Variants in FIP1L1 observed in about 807,000 individuals in gnomAD.
The protein encoded by FIP1L1 is pre-mRNA 3'-end-processing factor FIP1.
Under a neutral mutation model 84.6 loss-of-function variants are expected in FIP1L1, and 21 were observed. The observed-to-expected ratio is 0.25, with a 90% CI of 0.18 to 0.36. The LOEUF (loss-of-function observed/expected upper bound fraction) is 0.36. Among genes scored for constraint, FIP1L1 ranks in the 10% least tolerant of loss-of-function variants. The probability of loss-of-function intolerance (pLI) is 1.00; values close to 1 mark genes in which losing one functional copy is unlikely to be tolerated. For missense variants in FIP1L1, 526 were observed against 751.1 expected (o/e 0.70, Z 3.50); for synonymous variants, 263 against 242.3 (o/e 1.09, Z -0.80).
rs1775663595 is a variant in FIP1L1, at chr4:53,449,778, G to C, written c.1286-3142G>C. Among the ~76,000 whole-genome samples the C allele has an allele frequency of 2.0e-5, 3 of 152,094 alleles. No homozygotes were observed. The South Asian group carries it at 6.2e-4, about 31-fold the overall frequency. On this transcript the variant is annotated intron_variant, in intron 15 of 17. Transcript: ENST00000337488. ...AATTACTGATTTAATGTCTTTAATA[G>C]TTATTAGACTCTTCAAGATTTCTTT... is the stretch of plus-strand genomic sequence containing the variant.
At position 53,456,237 on chromosome 4, in the gene FIP1L1, T is replaced by C. The variant is rs115672319; in HGVS notation, c.1500-2416T>C. On this transcript the variant is annotated intron_variant, in intron 16 of 17. Transcript: ENST00000337488. Reference sequence around the variant, plus strand: ...CCAAGCAGGACTCATAAATTTTCTTTGCATAAATAACACATTGTTTATAGA... The same window carrying C: ...CCAAGCAGGACTCATAAATTTTCTTCGCATAAATAACACATTGTTTATAGA... Among the ~76,000 whole-genome samples the C allele has an allele frequency of 8.8e-3, 1,338 of 152,306 alleles. 21 individuals carry two copies. The highest frequency in any genetic ancestry group is 0.03 in the African/African-American group (1,261 of 41,576).
chr4:53,398,244 T>C (rs1488017497), intron 9 of FIP1L1, among the ~76,000 whole-genome samples: 1 of 152,202 alleles, frequency 6.6e-6, no homozygotes, highest in African/African-American at 2.4e-5. Flanking sequence ...AGTCCATTTC[T>C]TTCTGTTCCC....
intron 10 of FIP1L1, among the ~76,000 whole-genome samples, chr4:53,407,836 G>C (rs902135935): frequency 1.9e-4 from 29 of 151,458 alleles, no homozygotes; most frequent in South Asian, 8.4e-4. Context: ...TTTTTGTTTT[G>C]CATTTGCTTG....
intron 13 of FIP1L1, among the ~76,000 whole-genome samples, chr4:53,440,155 T>C (rs1771283602): frequency 6.6e-6 from 1 of 152,088 alleles, no homozygotes; most frequent in African/African-American, 2.4e-5. Flanking sequence ...AAGTCAGTAA[T>C]ATCCATCATC....
chr4:53,379,867 C>T (rs1736855678), intron 3 of FIP1L1, among the ~76,000 whole-genome samples: 1 of 152,164 alleles, frequency 6.6e-6, no homozygotes, highest in South Asian at 2.1e-4. Flanking sequence ...GAGATGTCGG[C>T]TTTACCCTGA....
chr4:53,407,604 G>T (rs1754396474), intron 10 of FIP1L1, among the ~76,000 whole-genome samples: 3 of 146,322 alleles, frequency 2.1e-5, no homozygotes, highest in Non-Finnish European at 4.4e-5. Flanking sequence ...AATGTTGACA[G>T]TGGGGTGTTA....
chr4:53,408,104 GT>G (rs1303902817), intron 10 of FIP1L1, among the ~76,000 whole-genome samples: 1 of 152,154 alleles, frequency 6.6e-6, no homozygotes, highest in Non-Finnish European at 1.5e-5. Context: ...GGTTTTTACA[GT>G]TTGGCATGAT....
chr4:53,384,560 A>G lies in FIP1L1; in HGVS notation c.332+684A>G, dbSNP rs76827390. Among the ~76,000 whole-genome samples, 125 of 152,344 alleles carry G rather than the reference A, an allele frequency of 8.2e-4. 1 individual carries two copies. The highest frequency in any genetic ancestry group is 2.8e-3 in the African/African-American group (115 of 41,574). On this transcript the variant is annotated intron_variant, in intron 5 of 17. Coordinates refer to ENST00000337488, the MANE Select transcript of FIP1L1 (RefSeq NM_030917.4). Reference sequence around the variant, plus strand: ...TTTTTTGCCTAATAAAAACAATATCAAAAGTATTTCTTTTTGTTCTTAATA... The same window carrying G: ...TTTTTTGCCTAATAAAAACAATATCGAAAGTATTTCTTTTTGTTCTTAATA...
At chr4:53,384,408 C>T (rs758946824) in intron 5 of FIP1L1, among the ~76,000 whole-genome samples, 31 of 148,674 alleles carry the variant, frequency 2.1e-4, no homozygotes, top group Admixed American at 2.7e-4. Flanking sequence ...GACTCTGTCT[C>T]GAGAAAAAGA....
In FIP1L1 at chr4:53,406,740, G is replaced by A. The variant is rs1391148014; in HGVS notation, c.815+6901G>A. ...ACTTCTTCCTGGTTTAGTCTTGGGAGGGTGTATGTGTCGAGGAATTTATCC... is the reference window on the plus strand; with the variant it reads ...ACTTCTTCCTGGTTTAGTCTTGGGAAGGTGTATGTGTCGAGGAATTTATCC... On this transcript the variant is annotated intron_variant, in intron 10 of 17. Transcript: ENST00000337488. Among the ~76,000 whole-genome samples the A allele has an allele frequency of 3.3e-5, 5 of 152,280 alleles. No homozygotes were observed. In the East Asian group the frequency reaches 9.6e-4, roughly 29 times the overall value.
chr4:53,431,305 G>A (rs573830916), intron 13 of FIP1L1, among the ~76,000 whole-genome samples: 3 of 152,168 alleles, frequency 2.0e-5, no homozygotes, highest in African/African-American at 4.8e-5. Flanking sequence ...GTAGTTTGTT[G>A]TAATTTAAAT....
chr4:53,387,627 T>A (rs1189692705), intron 5 of FIP1L1, among the ~76,000 whole-genome samples: 1 of 152,160 alleles, frequency 6.6e-6, no homozygotes, highest in African/African-American at 2.4e-5. Context: ...AAAAGAAAAA[T>A]GATGTTTTAA....
At chr4:53,397,870 G>A (rs905247350) in intron 9 of FIP1L1, among the ~76,000 whole-genome samples, 1 of 152,156 alleles carries the variant, frequency 6.6e-6, no homozygotes, top group Non-Finnish European at 1.5e-5. Context: ...ATCAGATTAG[G>A]GGAAATTAGT....
At chr4:53,413,836 C>A (rs941922414) in intron 10 of FIP1L1, among the ~76,000 whole-genome samples, 1 of 151,998 alleles carries the variant, frequency 6.6e-6, no homozygotes, top group East Asian at 1.9e-4. Context: ...TCTAACAGTT[C>A]GAAAGGCAAG....
chr4:53,383,358 A>G (rs1177226272), intron 4 of FIP1L1, among the ~76,000 whole-genome samples: 3 of 152,156 alleles, frequency 2.0e-5, no homozygotes, highest in Non-Finnish European at 4.4e-5. Context: ...TTTAAATTGT[A>G]TCTCAAAAAA....
chr4:53,407,596 T>C (rs1310006726), intron 10 of FIP1L1, among the ~76,000 whole-genome samples: 1 of 149,206 alleles, frequency 6.7e-6, no homozygotes, highest in Non-Finnish European at 1.5e-5. Flanking sequence ...GTCTGTCTAA[T>C]GTTGACAGTG....
intron 9 of FIP1L1, among the ~76,000 whole-genome samples, chr4:53,395,796 A>G (rs1427439299): frequency 2.0e-5 from 3 of 152,066 alleles, no homozygotes; most frequent in Non-Finnish European, 4.4e-5. Flanking sequence ...TTTCTTATTT[A>G]TATATCTCAG....
intron 9 of FIP1L1, among the ~76,000 whole-genome samples, chr4:53,397,515 GGTAGTCTCT>G (rs567002983): frequency 1.3e-5 from 2 of 152,168 alleles, no homozygotes; most frequent in Non-Finnish European, 2.9e-5. Context: ...GGCTAAATTA[GGTAGTCTCT>G]GTCTGTTGAT....
intron 12 of FIP1L1, among the ~76,000 whole-genome samples, chr4:53,427,755 A>G (rs1425195659): frequency 6.6e-6 from 1 of 152,182 alleles, no homozygotes; most frequent in East Asian, 1.9e-4. Context: ...TGTATTAATT[A>G]CTTTTTATTA....
Sources: allele counts gnomAD v4.1 joint callset (sites outside exome capture counted in the v4.1 genomes callset), GRCh38; gene constraint gnomAD v4.1.1; transcripts MANE v1.5; gene names NCBI Gene and HGNC (gene_info 2026-07-23, HGNC 2026-07-21).